SPOCK2: variants seen among roughly 807,000 people sequenced by gnomAD.
SPOCK2 encodes SPARC (osteonectin), cwcv and kazal like domains proteoglycan 2.
In SPOCK2, 39 loss-of-function variants were observed where a neutral mutation model predicts 60.1. The ratio of observed to expected loss-of-function variants is 0.65; its 90% confidence interval spans 0.50 to 0.85. The LOEUF is 0.85. SPOCK2 is among the 40% of genes least tolerant of loss of function. The pLI, the probability that SPOCK2 is intolerant of heterozygous loss-of-function variation, is 0.00. For missense variants in SPOCK2, 523 were observed against 567.4 expected (o/e 0.92, Z 0.80); for synonymous variants, 217 against 231.5 (o/e 0.94, Z 0.57).
At chr10:72,080,164 TGAG>T (rs1840764225) in intron 1 of SPOCK2, among the ~76,000 whole-genome samples, 1 of 152,050 alleles carries the variant, frequency 6.6e-6, no homozygotes, top group Non-Finnish European at 1.5e-5. Context: ...TGTCTCCACT[TGAG>T]GACACACAGC....
rs1840877739 is a variant in SPOCK2 at position 72,087,558 on chromosome 10, C to G, written c.189+582G>C. Among the ~76,000 whole-genome samples, 1 of 152,224 alleles carries G rather than the reference C, an allele frequency of 6.6e-6. No homozygotes were observed. The highest frequency in any genetic ancestry group is 6.5e-5 in the Admixed American group (1 of 15,292). On this transcript the variant is annotated intron_variant, in intron 1 of 10. Transcript: ENST00000373109. The surrounding 1 kb of genome is among the most constrained non-coding windows in gnomAD (Gnocchi z 4.7). ...CCCGTACGGACACGCCTTCCACCATCTCGCCTAGAAGGCTGCTGGGACCCC... is the reference window on the plus strand; with the variant it reads ...CCCGTACGGACACGCCTTCCACCATGTCGCCTAGAAGGCTGCTGGGACCCC...
rs1840896365 is a variant in SPOCK2, at chr10:72,088,412, A to ACGCGGCTGTCCTCAGCTCTCCTCC, written c.-108_-85dup. 1 of 1,417,908 alleles carries ACGCGGCTGTCCTCAGCTCTCCTCC rather than the reference A, an allele frequency of 7.1e-7. No individual in the cohort carries two copies. Among genetic ancestry groups the ACGCGGCTGTCCTCAGCTCTCCTCC allele is most frequent in the South Asian group, 1.5e-5 (1 of 67,230 alleles). 87.8% of individuals were successfully genotyped at this position (1,417,908 alleles called of 1,614,324 possible). On this transcript the variant is annotated 5_prime_UTR_variant, in exon 1 of 11. Coordinates refer to ENST00000373109, the MANE Select transcript of SPOCK2 (RefSeq NM_001244950.2). ...TCCCACCCCGCTGCTGGCGAAGCGC[A>ACGCGGCTGTCCTCAGCTCTCCTCC]CGCGGCTGTCCTCAGCTCTCCTCCC...
rs770671647 is a variant in SPOCK2, at chr10:72,067,738, G to A, written c.590-6C>T. On this transcript the variant is annotated splice_region_variant and splice_polypyrimidine_tract_variant and intron_variant, in intron 6 of 10. Transcript: ENST00000373109. ...GTCCTGACCGGTGCAAGTCTCTGCA[G>A]AACAGAGAGAAGGCATGGAGGGCGA... The A allele has an allele frequency of 8.1e-6, 13 of 1,612,572 alleles. No homozygotes were observed. The highest frequency in any genetic ancestry group is 1.1e-5 in the Non-Finnish European group (13 of 1,179,512).
chr10:72,088,686 A>G (rs1247018592), upstream of SPOCK2: 4 of 190,858 alleles, frequency 2.1e-5, no homozygotes, highest in Admixed American at 6.0e-5. Flanking sequence ...TGAGAGCGCC[A>G]AACGCCAGCC....
intron 1 of SPOCK2, among the ~76,000 whole-genome samples, chr10:72,081,109 G>A (rs1373751335): frequency 1.3e-5 from 2 of 152,214 alleles, no homozygotes; most frequent in African/African-American, 4.8e-5. Context: ...TGAGCCACAG[G>A]CCGTGGTGCA....
chr10:72,087,918 G>T lies in SPOCK2; in HGVS notation c.189+222C>A, dbSNP rs965317663. ...GAGCGTCGGGCAGGTGTGGAGCTGG[G>T]GGTCCCGGGGCTGGGGGGTCCCAGG... On this transcript the variant is annotated intron_variant, in intron 1 of 10. Coordinates refer to ENST00000373109, the MANE Select transcript of SPOCK2 (RefSeq NM_001244950.2). The surrounding 1 kb of genome is among the most constrained non-coding windows in gnomAD (Gnocchi z 4.7). 6.6e-6 allele frequency among the ~76,000 whole-genome samples: 1 copy of T among 152,010 alleles called. No homozygotes were observed. The highest frequency in any genetic ancestry group is 2.4e-5 in the African/African-American group (1 of 41,410).
intron 6 of SPOCK2, 55 bp from the exon 7 acceptor site, chr10:72,067,787 G>C: frequency 6.3e-7 from 1 of 1,583,524 alleles, no homozygotes; most frequent in Admixed American, 1.8e-5. Context: ...CAGCAGGCTC[G>C]ATCTCAGTCT....
In SPOCK2 at chr10:72,067,068, G is replaced by A. The variant is rs1320020131; in HGVS notation, c.762C>T (p.Phe254=). Residue 254 remains phenylalanine (F), a synonymous_variant, in exon 8 of 11, where the codon TTC becomes TTT. Coordinates refer to ENST00000373109, the MANE Select transcript of SPOCK2 (RefSeq NM_001244950.2). The part of the protein sequence containing the change: ...ASCKDSIGWM[F]SKLDTSADLF... ...GGTCAGCACTGGTGTCCAGCTTGGA[G>A]AACATCCAGCCAATGGAGTCCTTGC... 1 of 1,614,058 alleles carries A rather than the reference G, an allele frequency of 6.2e-7. No individual in the cohort carries two copies. Among genetic ancestry groups the A allele is most frequent in the Non-Finnish European group, 8.5e-7 (1 of 1,180,044 alleles).
chr10:72,065,226 G>A (rs1840552594), intron 8 of SPOCK2, among the ~76,000 whole-genome samples: 2 of 150,576 alleles, frequency 1.3e-5, no homozygotes, highest in East Asian at 2.0e-4. Flanking sequence ...AGTAGAGACA[G>A]GATTTCACCA....
chr10:72,086,612 T>G, intron 1 of SPOCK2: 1 of 1,197,198 alleles, frequency 8.4e-7, no homozygotes. Context: ...TCATCTGCGC[T>G]GGGCCTGCAG....
chr10:72,086,315 C>T, intron 1 of SPOCK2: 1 of 992,588 alleles, frequency 1.0e-6, no homozygotes, highest in Non-Finnish European at 1.2e-6. Context: ...AGCCCAGTGC[C>T]ATGGGGTCAA....
rs369710370 is a variant in SPOCK2 at position 72,062,790 on chromosome 10, G to A, written c.1245C>T (p.Gly415=). The A allele has an allele frequency of 6.3e-5, 101 of 1,608,316 alleles. No homozygotes were observed. Among genetic ancestry groups the A allele is most frequent in the Non-Finnish European group, 7.9e-5 (93 of 1,179,688 alleles). ...AGATGTAGCCCCCGTCGTCAGCCTC[G>A]CCTGCCTCGCCCTCCTCCTCCTCGG... ...EEAEEEEGEA[G]EADDGGYIW The change falls in exon 11 of 11, where the codon GGC becomes GGT. Residue 415 remains glycine, a synonymous_variant. Transcript: ENST00000373109. This position sits in a 1 kb window ranked among gnomAD's most constrained non-coding sequence, Gnocchi z 4.3.
intron 1 of SPOCK2, among the ~76,000 whole-genome samples, chr10:72,085,183 C>A (rs149898303): frequency 1.3e-5 from 2 of 152,260 alleles, no homozygotes; most frequent in African/African-American, 2.4e-5. Flanking sequence ...GTAGGAGCAT[C>A]GAAGAGCAGG....
chr10:72,087,744 C>T lies in SPOCK2; in HGVS notation c.189+396G>A, dbSNP rs1431757052. 6.6e-6 allele frequency among the ~76,000 whole-genome samples: 1 copy of T among 152,212 alleles called. No individual in the cohort carries two copies. Among genetic ancestry groups the T allele is most frequent in the African/African-American group, 2.4e-5 (1 of 41,464 alleles). On this transcript the variant is annotated intron_variant, in intron 1 of 10. Transcript: ENST00000373109. This position sits in a 1 kb window ranked among gnomAD's most constrained non-coding sequence, Gnocchi z 4.7. ...CCCCGTATGTGCAGCCTGCAGCATC[C>T]CAGCGGCTGGGGCAGGCCCGGGGGC...
At chr10:72,081,820 C>G (rs1311973927) in intron 1 of SPOCK2, among the ~76,000 whole-genome samples, 1 of 152,186 alleles carries the variant, frequency 6.6e-6, no homozygotes, top group Non-Finnish European at 1.5e-5. Flanking sequence ...CACAATCAGA[C>G]CAGCGCCCCA....
Position 72,064,177 on chromosome 10 carries a change from C to T in SPOCK2, c.991+1G>A. On this transcript the variant is annotated splice_donor_variant, in intron 9 of 10. Coordinates refer to ENST00000373109, the MANE Select transcript of SPOCK2 (RefSeq NM_001244950.2). LOFTEE classifies it high-confidence loss of function. Reference sequence around the variant, plus strand: ...TCTGAGAGCCTGGTCTGGCCCCTCACCTGGCTTCTTCTTGGCGGCCTCCTG... The same window carrying T: ...TCTGAGAGCCTGGTCTGGCCCCTCATCTGGCTTCTTCTTGGCGGCCTCCTG... The T allele has an allele frequency of 1.2e-6, 2 of 1,612,484 alleles. No homozygotes were observed. The highest frequency in any genetic ancestry group is 1.3e-5 in the African/African-American group (1 of 74,970).
chr10:72,078,793 G>C (rs1020457971), intron 1 of SPOCK2, among the ~76,000 whole-genome samples: 1 of 152,018 alleles, frequency 6.6e-6, no homozygotes. Context: ...TCATCTTCCC[G>C]AGCCCCACTC....
At chr10:72,076,353 C>T (rs1469972010) in intron 1 of SPOCK2, among the ~76,000 whole-genome samples, 1 of 152,140 alleles carries the variant, frequency 6.6e-6, no homozygotes, top group Non-Finnish European at 1.5e-5. Flanking sequence ...TGTTGGGTGT[C>T]TATTTATGGC....
intron 1 of SPOCK2, among the ~76,000 whole-genome samples, chr10:72,075,980 C>T (rs940592440): frequency 2.6e-5 from 4 of 152,140 alleles, no homozygotes; most frequent in South Asian, 4.1e-4. Context: ...ATGGCACCTG[C>T]GGGGTGCCTG....
Sources: allele counts gnomAD v4.1 joint callset (sites outside exome capture counted in the v4.1 genomes callset), GRCh38; gene constraint gnomAD v4.1.1; non-coding constraint Gnocchi (gnomAD v3.1); transcripts MANE v1.5; gene names NCBI Gene and HGNC (gene_info 2026-07-23, HGNC 2026-07-21).